Variants in SLC20A2 observed in about 807,000 individuals in gnomAD.
The protein encoded by SLC20A2 is sodium-dependent phosphate transporter 2.
SLC20A2 carries 30 observed loss-of-function variants against 61.0 expected under a neutral mutation model. The observed-to-expected ratio is 0.49, with a 90% CI of 0.37 to 0.67. The LOEUF (loss-of-function observed/expected upper bound fraction) is 0.67. Ranked by LOEUF, SLC20A2 falls within the 30% of genes least tolerant of loss-of-function variation. The probability of loss-of-function intolerance (pLI) is 0.00; values close to 1 mark genes in which losing one functional copy is unlikely to be tolerated. For missense variants in SLC20A2, 626 were observed against 866.4 expected (o/e 0.72, Z 3.48); for synonymous variants, 351 against 353.3 (o/e 0.99, Z 0.07).
At chr8:42,487,140 C>G (rs1329910379) in intron 1 of SLC20A2, among the ~76,000 whole-genome samples, 1 of 149,818 alleles carries the variant, frequency 6.7e-6, no homozygotes, top group Non-Finnish European at 1.5e-5. Flanking sequence ...GCTGGGATTA[C>G]AGGTGTGAGC....
At chr8:42,448,326 T>C (rs1805388018) in intron 5 of SLC20A2, among the ~76,000 whole-genome samples, 1 of 152,218 alleles carries the variant, frequency 6.6e-6, no homozygotes. Context: ...CTGGGATACA[T>C]ATTTTAAAAA....
intron 1 of SLC20A2, among the ~76,000 whole-genome samples, chr8:42,516,509 T>G (rs1811331270): frequency 6.6e-6 from 1 of 152,220 alleles, no homozygotes. Context: ...CGCATCCTAT[T>G]GCTGGAGAGC....
chr8:42,507,519 C>A (rs1022205851), intron 1 of SLC20A2, among the ~76,000 whole-genome samples: 1 of 152,198 alleles, frequency 6.6e-6, no homozygotes, highest in African/African-American at 2.4e-5. Context: ...TGTTTGAATA[C>A]TCATTTTAAC....
At chr8:42,531,479 A>C (rs756251859) in intron 1 of SLC20A2, among the ~76,000 whole-genome samples, 4 of 152,284 alleles carry the variant, frequency 2.6e-5, no homozygotes, top group Non-Finnish European at 4.4e-5. Context: ...ACATCAGTCT[A>C]CCTCCAGCAG....
chr8:42,491,364 G>C (rs1236990635), intron 1 of SLC20A2, among the ~76,000 whole-genome samples: 1 of 152,114 alleles, frequency 6.6e-6, no homozygotes, highest in Non-Finnish European at 1.5e-5. Context: ...AATTTGCCAG[G>C]CATGGTGGCA....
intron 1 of SLC20A2, among the ~76,000 whole-genome samples, chr8:42,499,031 T>G (rs1810142572): frequency 6.6e-6 from 1 of 152,204 alleles, no homozygotes; most frequent in South Asian, 2.1e-4. Flanking sequence ...TCAGAGCCTC[T>G]GGGTCTGTAA....
intron 5 of SLC20A2, among the ~76,000 whole-genome samples, chr8:42,447,026 A>G (rs1052511802): frequency 6.6e-6 from 1 of 152,214 alleles, no homozygotes; most frequent in Non-Finnish European, 1.5e-5. Flanking sequence ...ATACATAGAA[A>G]GCAGCACAAA....
intron 1 of SLC20A2, among the ~76,000 whole-genome samples, chr8:42,498,576 A>G (rs1280205532): frequency 1.3e-5 from 2 of 152,070 alleles, no homozygotes; most frequent in African/African-American, 4.8e-5. Flanking sequence ...TGCTTAATAC[A>G]TGCTAAATAA....
intron 1 of SLC20A2, among the ~76,000 whole-genome samples, chr8:42,493,022 C>T (rs541487593): frequency 5.3e-5 from 8 of 152,326 alleles, no homozygotes; most frequent in African/African-American, 1.9e-4. Context: ...CTGTTGAAAG[C>T]AGATTCAATT....
At chr8:42,528,644 T>C (rs924007817) in intron 1 of SLC20A2, among the ~76,000 whole-genome samples, 1 of 152,090 alleles carries the variant, frequency 6.6e-6, no homozygotes, top group Non-Finnish European at 1.5e-5. Context: ...AATTCCATCA[T>C]ATCCTGCCTC....
intron 1 of SLC20A2, among the ~76,000 whole-genome samples, chr8:42,496,314 C>T (rs532993635): frequency 3.3e-5 from 5 of 152,172 alleles, no homozygotes; most frequent in Non-Finnish European, 7.3e-5. Context: ...AACAAATAGA[C>T]ACTCTCAGCA....
chr8:42,528,318 C>T (rs957093992), intron 1 of SLC20A2, among the ~76,000 whole-genome samples: 2 of 151,884 alleles, frequency 1.3e-5, no homozygotes, highest in Non-Finnish European at 2.9e-5. Flanking sequence ...AAAAGTTAGC[C>T]GGGCGTAGTG....
At chr8:42,432,128 T>C (rs549839432) in intron 8 of SLC20A2, among the ~76,000 whole-genome samples, 3 of 152,348 alleles carry the variant, frequency 2.0e-5, no homozygotes, top group South Asian at 2.1e-4. Context: ...AGGGAGTCCA[T>C]TGAAACCTTC....
chr8:42,436,027 A>G (rs1804221536), intron 8 of SLC20A2, among the ~76,000 whole-genome samples: 1 of 151,982 alleles, frequency 6.6e-6, no homozygotes, highest in African/African-American at 2.4e-5. Context: ...GAGACAAGAG[A>G]ATCACTTGAA....
chr8:42,472,214 G>A lies in SLC20A2; in HGVS notation c.177C>T (p.Ser59=), dbSNP rs1432342077. 8.1e-6 allele frequency: 13 copies of A among 1,614,026 alleles called. No individual in the cohort carries two copies. The highest frequency in any genetic ancestry group is 1.6e-4 in the Middle Eastern group (1 of 6,084). ...CTCCTACTTTGGCGCCTAGTAACAC[G>A]GAGCCGGTGGTTTCAAATATTGAAG... The part of the protein sequence containing the change: ...ILASIFETTG[S]VLLGAKVGET... The change falls in exon 2 of 11, where the codon TCC becomes TCT. Residue 59 remains serine, a synonymous_variant. Coordinates refer to ENST00000520262, the MANE Select transcript of SLC20A2 (RefSeq NM_001257180.2). This position sits in a 1 kb window ranked among gnomAD's most constrained non-coding sequence, Gnocchi z 4.1.
At chr8:42,540,366 T>A (rs1165078385) in intron 1 of SLC20A2, among the ~76,000 whole-genome samples, 1 of 152,212 alleles carries the variant, frequency 6.6e-6, no homozygotes, top group Non-Finnish European at 1.5e-5. Flanking sequence ...GTATTCAAAT[T>A]TTTTTAGATT....
chr8:42,490,502 C>T (rs1407915213), intron 1 of SLC20A2, among the ~76,000 whole-genome samples: 5 of 152,120 alleles, frequency 3.3e-5, no homozygotes, highest in Admixed American at 2.6e-4. Context: ...GAGGCTGAGG[C>T]GGGAGAATTG....
At chr8:42,431,745 T>C (rs1411963926) in intron 8 of SLC20A2, among the ~76,000 whole-genome samples, 1 of 152,238 alleles carries the variant, frequency 6.6e-6, no homozygotes, top group Non-Finnish European at 1.5e-5. Context: ...AATGTTCACT[T>C]ACCATTCCAA....
intron 5 of SLC20A2, among the ~76,000 whole-genome samples, chr8:42,445,727 CAAAAAA>C (rs1805158868): frequency 6.6e-6 from 1 of 151,710 alleles, no homozygotes; most frequent in African/African-American, 2.4e-5. Flanking sequence ...AACTCCATCT[CAAAAAA>C]GAAAAAGAAA....
Sources: gnomAD v4.1 joint callset for allele counts (sites outside exome capture counted in the v4.1 genomes callset) on GRCh38, gnomAD v4.1.1 for gene constraint, Gnocchi (gnomAD v3.1) non-coding constraint, MANE v1.5 for transcripts, NCBI Gene and HGNC (gene_info 2026-07-23, HGNC 2026-07-21) for gene names.